SERPINC1: variants seen among roughly 807,000 people sequenced by gnomAD.
The protein encoded by SERPINC1 is antithrombin-III.
SERPINC1 carries 12 observed loss-of-function variants against 43.4 expected under a neutral mutation model. The ratio of observed to expected loss-of-function variants is 0.28; its 90% CI spans 0.18 to 0.45. The LOEUF is 0.45. SERPINC1 is among the 20% of genes least tolerant of loss of function. The probability of loss-of-function intolerance (pLI) is 1.00; values close to 1 mark genes in which losing one functional copy is unlikely to be tolerated. For synonymous variants in SERPINC1, 210 were observed against 218.9 expected (o/e 0.96, Z 0.36); for missense variants, 423 against 578.8 (o/e 0.73, Z 2.76).
chr1:173,910,472 T>C (rs936121667), intron 4 of SERPINC1, among the ~76,000 whole-genome samples: 34 of 151,866 alleles, frequency 2.2e-4, no homozygotes, highest in Admixed American at 1.8e-3. Flanking sequence ...TCCCAGCTAC[T>C]TGGGAGGCTG....
At chr1:173,915,812 G>A (rs1234203115) in intron 1 of SERPINC1, among the ~76,000 whole-genome samples, 1 of 152,200 alleles carries the variant, frequency 6.6e-6, no homozygotes, top group African/African-American at 2.4e-5. Flanking sequence ...AGTTCCACCA[G>A]GAACTCCTAC....
At chr1:173,906,473 C>G (rs978195629) in intron 6 of SERPINC1, among the ~76,000 whole-genome samples, 4 of 152,168 alleles carry the variant, frequency 2.6e-5, no homozygotes, top group Non-Finnish European at 4.4e-5. Context: ...TTCGTTTCCT[C>G]CAGTGTAGTC....
chr1:173,916,269 G>A (rs968487475), intron 1 of SERPINC1, among the ~76,000 whole-genome samples: 5 of 152,194 alleles, frequency 3.3e-5, no homozygotes, highest in Non-Finnish European at 7.4e-5. Context: ...GTGTACACAA[G>A]GGGGTCTGTG....
At chr1:173,916,015 T>A (rs1020109937) in intron 1 of SERPINC1, among the ~76,000 whole-genome samples, 3 of 152,068 alleles carry the variant, frequency 2.0e-5, no homozygotes, top group Non-Finnish European at 4.4e-5. Flanking sequence ...TCTGTTTTTT[T>A]ACTCTTTCAC....
At chr1:173,909,464 G>T in intron 5 of SERPINC1, 88 bp downstream of exon 5, 1 of 1,394,212 alleles carries the variant, frequency 7.2e-7, no homozygotes, top group South Asian at 1.2e-5. Context: ...CTGACTTGTT[G>T]CTCCTTTCTA....
chr1:173,915,246 A>C (rs1028939728), intron 1 of SERPINC1: 2 of 1,185,412 alleles, frequency 1.7e-6, no homozygotes, highest in African/African-American at 3.1e-5. Flanking sequence ...ATGCCTAAAA[A>C]ATCGGCTTTA....
intron 6 of SERPINC1, among the ~76,000 whole-genome samples, chr1:173,904,275 G>A (rs1445752884): frequency 1.3e-5 from 2 of 152,190 alleles, no homozygotes; most frequent in African/African-American, 4.8e-5. Flanking sequence ...CAAGCCTTGT[G>A]CTAGGTAATA....
Position 173,903,860 on chromosome 1 carries a change from T to G in SERPINC1, c.*29A>C. 6.2e-7 allele frequency: 1 copy of G among 1,605,134 alleles called. No individual in the cohort carries two copies. The highest frequency in any genetic ancestry group is 8.5e-7 in the Non-Finnish European group (1 of 1,172,058). On this transcript the variant is annotated 3_prime_UTR_variant, in exon 7 of 7. Transcript: ENST00000367698. ...TTTACTTCTGTTCACAAACCAAAAA[T>G]AGGAAGAGGTGCAAAGAATAAGAAC...
chr1:173,907,776 T>C (rs1218460107), intron 5 of SERPINC1, among the ~76,000 whole-genome samples: 2 of 151,956 alleles, frequency 1.3e-5, no homozygotes, highest in Non-Finnish European at 2.9e-5. Context: ...GGTCAGGAGT[T>C]GGAGACACTC....
intron 2 of SERPINC1, among the ~76,000 whole-genome samples, chr1:173,912,540 A>G (rs1467518522): frequency 5.3e-5 from 8 of 152,150 alleles, no homozygotes; most frequent in Non-Finnish European, 8.8e-5. Flanking sequence ...GAATCCCCCA[A>G]TGCCCACCTT....
At position 173,914,873 on chromosome 1, in the gene SERPINC1, C is replaced by T. The variant is rs532883680; in HGVS notation, c.88G>A (p.Val30Met). The T allele has an allele frequency of 2.5e-5, 40 of 1,614,194 alleles. No homozygotes were observed. The highest frequency in any genetic ancestry group is 1.6e-4 in the Middle Eastern group (1 of 6,062). ...SLLLIGFWDC[V>M]TCHGSPVDIC... The stretch of plus-strand genomic sequence containing the variant: ...TCCACAGGGCTCCCGTGACAGGTCA[C>T]GCAGTCCCAGAAGCCAATGAGCAGC... Residue 30 changes from valine to methionine, a missense_variant, in exon 2 of 7, where the codon GTG becomes ATG. Physicochemically the swap from Val to Met is conservative, Grantham distance 21. Coordinates refer to ENST00000367698, the MANE Select transcript of SERPINC1 (RefSeq NM_000488.4).
At position 173,909,488 on chromosome 1, in the gene SERPINC1, T is replaced by G. The variant is rs996191485; in HGVS notation, c.1153+64A>C. ...TGCTCCTTTCTATTCTTTCTCCAAC[T>G]CTTCCACTTTTGGTCAGACTACCTT... On this transcript the variant is annotated intron_variant, in intron 5 of 6. Coordinates refer to ENST00000367698, the MANE Select transcript of SERPINC1 (RefSeq NM_000488.4). The G allele has an allele frequency of 1.6e-5, 25 of 1,553,206 alleles. No individual in the cohort carries two copies. In the African/African-American group the frequency reaches 2.3e-4, roughly 14 times the overall value.
chr1:173,907,406 C>T, intron 6 of SERPINC1, 44 bp downstream of exon 6: 2 of 1,450,114 alleles, frequency 1.4e-6, no homozygotes, highest in East Asian at 2.3e-5. Flanking sequence ...GCTGTTCATG[C>T]ATCTCCTTTC....
intron 4 of SERPINC1, 117 bp from the exon 5 acceptor site, chr1:173,910,059 C>T (rs562367264): frequency 1.2e-5 from 12 of 1,010,452 alleles, no homozygotes; most frequent in African/African-American, 6.4e-5. Context: ...AAAAGACTGG[C>T]GGGATATGCA....
intron 1 of SERPINC1, among the ~76,000 whole-genome samples, 185 bp downstream of exon 1, chr1:173,917,034 C>A (rs763044171): frequency 2.0e-5 from 3 of 152,092 alleles, no homozygotes; most frequent in Non-Finnish European, 4.4e-5. Context: ...TTAGGAAAGG[C>A]CTTACCCCAA....
chr1:173,909,507 C>T, intron 5 of SERPINC1, 45 bp downstream of exon 5: 2 of 1,607,114 alleles, frequency 1.2e-6, no homozygotes, highest in Non-Finnish European at 1.7e-6. Flanking sequence ...TTTGGTCAGA[C>T]TACCTTGCGG....
chr1:173,909,517 G>A, intron 5 of SERPINC1, 35 bp downstream of exon 5: 1 of 1,610,558 alleles, frequency 6.2e-7, no homozygotes, highest in South Asian at 1.1e-5. Flanking sequence ...CTACCTTGCG[G>A]GTGGAGAAGG....
At chr1:173,914,255 A>G (rs1035681311) in intron 2 of SERPINC1, among the ~76,000 whole-genome samples, 3 of 152,224 alleles carry the variant, frequency 2.0e-5, no homozygotes, top group Non-Finnish European at 2.9e-5. Flanking sequence ...GAGTAAACAT[A>G]TAGATGAAAG....
intron 6 of SERPINC1, among the ~76,000 whole-genome samples, chr1:173,906,643 T>TC (rs1175361595): frequency 1.3e-5 from 2 of 152,058 alleles, no homozygotes; most frequent in African/African-American, 2.4e-5. Context: ...AACTTTTTTT[T>TC]TTTTTTTTAA....
Sources: gnomAD v4.1 joint callset for allele counts (sites outside exome capture counted in the v4.1 genomes callset) on GRCh38, gnomAD v4.1.1 for gene constraint, MANE v1.5 for transcripts, NCBI Gene and HGNC (gene_info 2026-07-23, HGNC 2026-07-21) for gene names.